The following NXPE2 variants were observed in gnomAD, a reference collection of about 807,000 sequenced individuals.
NXPE2 encodes the protein NXPE family member 2.
A neutral mutation model predicts 34.4 loss-of-function variants in NXPE2; 34 were observed. That is an observed-to-expected ratio of 0.99 (90% CI 0.75 to 1.31). NXPE2 has a LOEUF of 1.31. NXPE2 is among the 40% of genes most tolerant of loss of function. The probability of loss-of-function intolerance (pLI) is 0.00; values close to 1 mark genes in which losing one functional copy is unlikely to be tolerated. For synonymous variants in NXPE2, 235 were observed against 231.3 expected, an observed-to-expected ratio of 1.02 and a Z score of -0.15; for missense variants, 649 against 672.5, an observed-to-expected ratio of 0.97 and a Z score of 0.39.
At chr11:114,579,090 G>A in the NXPE2 span, among the ~76,000 whole-genome samples, 16 of 152,178 alleles carry the variant, frequency 1.1e-4, no homozygotes, top group Non-Finnish European at 1.8e-4. Context: ...TACAAGCATG[G>A]CATCGGCATC....
the NXPE2 span, among the ~76,000 whole-genome samples, chr11:114,545,044 TA>T: frequency 2.0e-5 from 3 of 151,244 alleles, no homozygotes; most frequent in African/African-American, 4.9e-5. Context: ...GGCTAAAATT[TA>T]AAAAAAAACC....
chr11:114,567,061 T>C, the NXPE2 span, among the ~76,000 whole-genome samples: 1 of 152,204 alleles, frequency 6.6e-6, no homozygotes, highest in African/African-American at 2.4e-5. Context: ...CTGCTGTTTC[T>C]GGTGGCCGTG....
At chr11:114,575,614 A>G in the NXPE2 span, among the ~76,000 whole-genome samples, 1 of 152,024 alleles carries the variant, frequency 6.6e-6, no homozygotes, top group Non-Finnish European at 1.5e-5. Flanking sequence ...AAAATAAAAT[A>G]AAATAAAAAC....
chr11:114,636,530 T>C, the NXPE2 span, among the ~76,000 whole-genome samples: 7 of 151,620 alleles, frequency 4.6e-5, no homozygotes, highest in Non-Finnish European at 8.9e-5. Context: ...GCTCTTGCTT[T>C]TCTAGTTCTT....
At chr11:114,691,954 C>T (rs774477607) in intron 2 of NXPE2, among the ~76,000 whole-genome samples, 7 of 152,206 alleles carry the variant, frequency 4.6e-5, no homozygotes, top group Non-Finnish European at 7.3e-5. Context: ...AAGCTGTCCC[C>T]GGCTACAAGC....
At chr11:114,713,602 C>G in the NXPE2 span, among the ~76,000 whole-genome samples, 1 of 152,136 alleles carries the variant, frequency 6.6e-6, no homozygotes, top group Non-Finnish European at 1.5e-5. Context: ...GAAAAAAAGT[C>G]AGATATAGGT....
the NXPE2 span, among the ~76,000 whole-genome samples, chr11:114,764,704 A>G: frequency 6.6e-6 from 1 of 152,106 alleles, no homozygotes; most frequent in South Asian, 2.1e-4. Context: ...TTCTATACTA[A>G]CCTCAGGAGG....
At chr11:114,623,512 G>GT in the NXPE2 span, among the ~76,000 whole-genome samples, 1 of 151,982 alleles carries the variant, frequency 6.6e-6, no homozygotes, top group Non-Finnish European at 1.5e-5. Flanking sequence ...TGGATAATAA[G>GT]TATTCCCTCG....
At chr11:114,720,430 T>G in the NXPE2 span, among the ~76,000 whole-genome samples, 1 of 152,238 alleles carries the variant, frequency 6.6e-6, no homozygotes, top group African/African-American at 2.4e-5. Flanking sequence ...ACAAACATTT[T>G]GCTGTTTCTG....
At chr11:114,766,346 A>C in the NXPE2 span, among the ~76,000 whole-genome samples, 2 of 152,136 alleles carry the variant, frequency 1.3e-5, no homozygotes, top group Non-Finnish European at 2.9e-5. Flanking sequence ...CAGCTGACGG[A>C]AGCATCATAG....
the NXPE2 span, among the ~76,000 whole-genome samples, chr11:114,573,387 G>T: frequency 6.6e-6 from 1 of 152,202 alleles, no homozygotes; most frequent in African/African-American, 2.4e-5. Context: ...TAAATGACCT[G>T]AATGCTCTAC....
chr11:114,501,558 C>T, the NXPE2 span, among the ~76,000 whole-genome samples: 1 of 152,114 alleles, frequency 6.6e-6, no homozygotes, highest in African/African-American at 2.4e-5. Flanking sequence ...GTTACAAAAA[C>T]CATTGAATTC....
the NXPE2 span, among the ~76,000 whole-genome samples, chr11:114,474,599 G>A: frequency 6.6e-6 from 1 of 152,168 alleles, no homozygotes; most frequent in Admixed American, 6.5e-5. Flanking sequence ...AGTTCTGGTG[G>A]AGGGATGCGG....
chr11:114,560,131 T>A, the NXPE2 span, among the ~76,000 whole-genome samples: 75 of 152,288 alleles, frequency 4.9e-4, no homozygotes, highest in African/African-American at 1.6e-3. Context: ...CTTGAAGTCA[T>A]AGTGTAAAAA....
chr11:114,790,804 C>A, the NXPE2 span, among the ~76,000 whole-genome samples: 1 of 152,040 alleles, frequency 6.6e-6, no homozygotes, highest in Non-Finnish European at 1.5e-5. Context: ...AAGGAAGGAG[C>A]CTTTGCCAAC....
the NXPE2 span, among the ~76,000 whole-genome samples, chr11:114,592,007 G>C: frequency 3.9e-5 from 6 of 151,984 alleles, no homozygotes; most frequent in African/African-American, 1.5e-4. Flanking sequence ...CAACAAATTA[G>C]GCATGGAAGA....
the NXPE2 span, chr11:114,521,893 TA>T: frequency 8.5e-7 from 1 of 1,180,774 alleles, no homozygotes; most frequent in Non-Finnish European, 1.2e-6. Context: ...CTAAAATGAG[TA>T]AAACTTACTT....
chr11:114,623,997 T>A, the NXPE2 span, among the ~76,000 whole-genome samples: 1 of 152,148 alleles, frequency 6.6e-6, no homozygotes, highest in Admixed American at 6.5e-5. Context: ...GTAACCACTG[T>A]TACCCGGTGG....
chr11:114,636,688 A>C, the NXPE2 span, among the ~76,000 whole-genome samples: 1 of 152,080 alleles, frequency 6.6e-6, no homozygotes, highest in African/African-American at 2.4e-5. Context: ...ATTTCAAAGA[A>C]CATCTTTATT....
Sources: allele counts gnomAD v4.1 joint callset (sites outside exome capture counted in the v4.1 genomes callset), GRCh38; gene constraint gnomAD v4.1.1; transcripts MANE v1.5; gene names NCBI Gene and HGNC (gene_info 2026-07-23, HGNC 2026-07-21).